CDC42BPA: variants seen among roughly 807,000 people sequenced by gnomAD.
The protein encoded by CDC42BPA is serine/threonine-protein kinase MRCK alpha.
Under a neutral mutation model 223.5 loss-of-function variants are expected in CDC42BPA, and 80 were observed. The ratio of observed to expected loss-of-function variants is 0.36; its 90% CI spans 0.30 to 0.43. The LOEUF is 0.43. Ranked by LOEUF, CDC42BPA falls within the 20% of genes least tolerant of loss-of-function variation. The pLI is 1.00. For synonymous variants in CDC42BPA, 694 were observed against 718.6 expected (o/e 0.97, Z 0.55); for missense variants, 1,743 against 2,099.9 (o/e 0.83, Z 3.32).
At chr1:227,172,194 A>C (rs1259881055) in intron 5 of CDC42BPA, among the ~76,000 whole-genome samples, 3 of 152,238 alleles carry the variant, frequency 2.0e-5, no homozygotes, top group Non-Finnish European at 4.4e-5. Flanking sequence ...TGTCAGTCAG[A>C]AATTAGAATT....
At chr1:227,095,007 C>T (rs906960402) in intron 15 of CDC42BPA, among the ~76,000 whole-genome samples, 3 of 152,196 alleles carry the variant, frequency 2.0e-5, no homozygotes, top group Admixed American at 6.5e-5. Flanking sequence ...CTTCAGATGA[C>T]AGTCTGCAAA....
At chr1:227,273,310 G>A (rs1371468957) in intron 1 of CDC42BPA, among the ~76,000 whole-genome samples, 6 of 148,778 alleles carry the variant, frequency 4.0e-5, no homozygotes, top group African/African-American at 1.0e-4. Context: ...AAAAAAGGCC[G>A]GGCATGGTGG....
intron 3 of CDC42BPA, among the ~76,000 whole-genome samples, chr1:227,211,777 G>A (rs548930225): frequency 6.6e-6 from 1 of 152,032 alleles, no homozygotes; most frequent in Non-Finnish European, 1.5e-5. Flanking sequence ...TGGGAGGGTG[G>A]GAAGGGGGTG....
chr1:227,278,492 C>A (rs1239171577), intron 1 of CDC42BPA, among the ~76,000 whole-genome samples: 1 of 152,164 alleles, frequency 6.6e-6, no homozygotes, highest in Non-Finnish European at 1.5e-5. Context: ...TAAGGTAGAA[C>A]CCCAATGTTC....
chr1:227,007,941 C>A (rs1032895761), intron 34 of CDC42BPA, among the ~76,000 whole-genome samples: 2 of 152,192 alleles, frequency 1.3e-5, no homozygotes, highest in South Asian at 2.1e-4. Context: ...CAGGGGAACA[C>A]TGTTGGTAGG....
intron 10 of CDC42BPA, among the ~76,000 whole-genome samples, chr1:227,130,216 G>GTC (rs1185637701): frequency 1.3e-5 from 2 of 152,076 alleles, no homozygotes; most frequent in Non-Finnish European, 2.9e-5. Context: ...CACATAATAA[G>GTC]TCTCTCCCTT....
intron 35 of CDC42BPA, among the ~76,000 whole-genome samples, chr1:226,995,884 C>T (rs1661502646): frequency 6.6e-6 from 1 of 152,180 alleles, no homozygotes; most frequent in Admixed American, 6.5e-5. Flanking sequence ...TAGCACAACT[C>T]TAAGGTACAG....
intron 12 of CDC42BPA, among the ~76,000 whole-genome samples, chr1:227,118,913 A>G (rs925495978): frequency 2.6e-5 from 4 of 152,162 alleles, no homozygotes; most frequent in African/African-American, 9.6e-5. Context: ...GTCTATTTCA[A>G]TCTATTCTTT....
intron 1 of CDC42BPA, among the ~76,000 whole-genome samples, chr1:227,277,100 AAG>A (rs1181307260): frequency 3.3e-5 from 5 of 151,780 alleles, no homozygotes; most frequent in African/African-American, 4.8e-5. Context: ...AAAAAAGAAA[AAG>A]AAAAAATGTG....
chr1:227,297,722 C>T (rs1186126892), intron 1 of CDC42BPA, among the ~76,000 whole-genome samples: 1 of 151,750 alleles, frequency 6.6e-6, no homozygotes, highest in African/African-American at 2.4e-5. Flanking sequence ...TACAAAATAT[C>T]TACAATATGT....
intron 10 of CDC42BPA, among the ~76,000 whole-genome samples, chr1:227,139,336 A>G (rs1282976335): frequency 6.6e-6 from 1 of 152,138 alleles, no homozygotes; most frequent in African/African-American, 2.4e-5. Context: ...GTATTCCCAC[A>G]CATTTTTATA....
chr1:227,152,077 C>A lies in CDC42BPA; in HGVS notation c.694-4518G>T, dbSNP rs1661877490. 2.0e-5 allele frequency among the ~76,000 whole-genome samples: 3 copies of A among 151,862 alleles called. No individual in the cohort carries two copies. The South Asian group carries it at 6.3e-4, about 32-fold the overall frequency. On this transcript the variant is annotated intron_variant, in intron 6 of 36. Transcript: ENST00000366766. ...TACCTTGTCCATTTTTTAACAGGGTCCTTTGTTCTTTGTTGCTGACTTGTA... is the reference window on the plus strand; with the variant it reads ...TACCTTGTCCATTTTTTAACAGGGTACTTTGTTCTTTGTTGCTGACTTGTA...
intron 3 of CDC42BPA, among the ~76,000 whole-genome samples, chr1:227,206,919 T>C (rs1182856162): frequency 6.6e-6 from 1 of 151,418 alleles, no homozygotes; most frequent in Non-Finnish European, 1.5e-5. Context: ...ACTACTTATC[T>C]TTTTTATTAT....
intron 1 of CDC42BPA, among the ~76,000 whole-genome samples, chr1:227,258,014 C>G (rs1683390444): frequency 6.7e-6 from 1 of 150,072 alleles, no homozygotes; most frequent in African/African-American, 2.5e-5. Context: ...TACAAAAATA[C>G]AAATATAAAA....
At chr1:227,101,759 C>T (rs1262973228) in intron 14 of CDC42BPA, among the ~76,000 whole-genome samples, 3 of 151,912 alleles carry the variant, frequency 2.0e-5, no homozygotes, top group Non-Finnish European at 4.4e-5. Context: ...AAACTAACAT[C>T]TCCTTCATAT....
intron 2 of CDC42BPA, among the ~76,000 whole-genome samples, chr1:227,251,882 C>A (rs1682073964): frequency 1.3e-5 from 2 of 151,904 alleles, no homozygotes; most frequent in South Asian, 4.1e-4. Context: ...TACATTATAA[C>A]TCAATAAGAA....
intron 12 of CDC42BPA, among the ~76,000 whole-genome samples, chr1:227,119,282 A>G (rs1316312104): frequency 6.6e-6 from 1 of 152,124 alleles, no homozygotes; most frequent in Non-Finnish European, 1.5e-5. Flanking sequence ...AGCTATCAAT[A>G]AATTTTTTTG....
At chr1:227,046,394 T>C (rs1297293299) in intron 23 of CDC42BPA, among the ~76,000 whole-genome samples, 2 of 152,082 alleles carry the variant, frequency 1.3e-5, no homozygotes, top group African/African-American at 4.8e-5. Flanking sequence ...GAGTCAGTAT[T>C]CTGGGAGCTA....
Position 227,000,093 on chromosome 1 carries a change from TATAATAATAATAATAATA to T in CDC42BPA, c.4975+4883_4975+4900del, listed in dbSNP as rs10605581. On this transcript the variant is annotated intron_variant, in intron 35 of 36. Transcript: ENST00000366766. ...TACACATGTATCCCAGAACTTAAAGTATAATAATAATAATAATAATAATAATAATAATAATAATAATAA... is the reference window on the plus strand; with the variant it reads ...TACACATGTATCCCAGAACTTAAAGTATAATAATAATAATAATAATAATAA... Among the ~76,000 whole-genome samples, 440 of 130,662 alleles carry T rather than the reference TATAATAATAATAATAATA, an allele frequency of 3.4e-3. 3 individuals are homozygous for T. Among genetic ancestry groups the T allele is most frequent in the African/African-American group, 0.011 (409 of 37,458 alleles). 85.7% of individuals were successfully genotyped at this position (130,662 alleles called of 152,430 possible).
Sources: allele counts gnomAD v4.1 joint callset (sites outside exome capture counted in the v4.1 genomes callset), GRCh38; gene constraint gnomAD v4.1.1; transcripts MANE v1.5; gene names NCBI Gene and HGNC (gene_info 2026-07-23, HGNC 2026-07-21).